The following PPARA variants were observed in gnomAD, a reference collection of about 807,000 sequenced individuals.
PPARA encodes peroxisome proliferator activated receptor alpha.
A neutral mutation model predicts 42.2 loss-of-function variants in PPARA; 22 were observed. The observed-to-expected ratio is 0.52, with a 90% CI of 0.37 to 0.74. The LOEUF is 0.74. Among genes scored for constraint, PPARA ranks in the 30% least tolerant of loss-of-function variants. PPARA has a pLI of 0.00. For synonymous variants in PPARA, 242 were observed against 239.3 expected (o/e 1.01, Z -0.10); for missense variants, 465 against 608.2 (o/e 0.76, Z 2.48).
In PPARA at chr22:46,219,115, TC is replaced by T. The variant is rs1224580490; in HGVS notation, c.509-696del. On this transcript the variant is annotated intron_variant, in intron 6 of 8. Transcript: ENST00000407236. The surrounding 1 kb of genome is among the most constrained non-coding windows in gnomAD (Gnocchi z 4.8). ...AGGCGGAGGTTGCAGTGAGCTGAGA[TC>T]GCACCACTGCACTCCAGCCTGGGCG... Among the ~76,000 whole-genome samples, 1 of 151,078 alleles carries T rather than the reference TC, an allele frequency of 6.6e-6. No individual in the cohort carries two copies. Among genetic ancestry groups the T allele is most frequent in the Non-Finnish European group, 1.5e-5 (1 of 67,890 alleles).
chr22:46,165,814 A>G lies in PPARA; in HGVS notation c.-126-10939A>G, dbSNP rs76755807. ...TCATCCTAGGCCTCTAATTATTTTT[A>G]AGGACAATTTTTCAAATGCAGGCTT... On this transcript the variant is annotated intron_variant, in intron 2 of 8. Coordinates refer to ENST00000407236, the MANE Select transcript of PPARA (RefSeq NM_005036.6). This position sits in a 1 kb window ranked among gnomAD's most constrained non-coding sequence, Gnocchi z 5.5. 0.1 allele frequency among the ~76,000 whole-genome samples: 15,788 copies of G among 152,168 alleles called. 1,033 individuals carry two copies. Among genetic ancestry groups the G allele is most frequent in the South Asian group, 0.15 (727 of 4,820 alleles).
rs1442168951 is a variant in PPARA at position 46,160,150 on chromosome 22, C to A, written c.-127+8180C>A. On this transcript the variant is annotated intron_variant, in intron 2 of 8. Coordinates refer to ENST00000407236, the MANE Select transcript of PPARA (RefSeq NM_005036.6). This position sits in a 1 kb window ranked among gnomAD's most constrained non-coding sequence, Gnocchi z 4.5. ...TCCCATTCCCAGCTAAGGGTGGCAG[C>A]TGGCGGGGATCTTTCCAGCAGAAAG... 6.6e-6 allele frequency among the ~76,000 whole-genome samples: 1 copy of A among 152,216 alleles called. No homozygotes were observed.
intron 2 of PPARA, chr22:46,164,185 G>T (rs1926676176): frequency 6.6e-6 from 1 of 151,914 alleles, no homozygotes; most frequent in Non-Finnish European, 1.5e-5. Flanking sequence ...TCCAGCCTGG[G>T]TGACAAGAGT....
intron 1 of PPARA, chr22:46,151,291 C>T (rs1485258924): frequency 1.3e-5 from 2 of 152,246 alleles, no homozygotes; most frequent in Non-Finnish European, 2.9e-5. Context: ...GGGGCGACCC[C>T]GGACAGGCTG....
rs764662561 is a variant in PPARA, at chr22:46,207,677, A to ATT, written c.209-7474_209-7473dup. 1.4e-3 allele frequency among the ~76,000 whole-genome samples: 73 copies of ATT among 50,724 alleles called. 3 individuals carry two copies. The highest frequency in any genetic ancestry group is 3.4e-3 in the South Asian group (3 of 882). 33.3% of individuals were successfully genotyped at this position (50,724 alleles called of 152,430 possible). On this transcript the variant is annotated intron_variant, in intron 4 of 8. Coordinates refer to ENST00000407236, the MANE Select transcript of PPARA (RefSeq NM_005036.6). ...TATTATTATTATTATTATTATTATT[A>ATT]TTTTTTTTTTTTTTTTTTTTTTTAG...
At position 46,224,464 on chromosome 22, in the gene PPARA, A is replaced by G. The variant is rs1935244407; in HGVS notation, c.711+4450A>G. Among the ~76,000 whole-genome samples the G allele has an allele frequency of 6.6e-6, 1 of 152,072 alleles. No individual in the cohort carries two copies. Among genetic ancestry groups the G allele is most frequent in the Admixed American group, 6.5e-5 (1 of 15,278 alleles). ...CCCATCTGTGGGCAAGAAATCTGTT[A>G]GGGAGACCAAGCAGCGGCCTGGAAA... On this transcript the variant is annotated intron_variant, in intron 7 of 8. Transcript: ENST00000407236. The surrounding 1 kb of genome is among the most constrained non-coding windows in gnomAD (Gnocchi z 5.7).
chr22:46,216,064 G>C lies in PPARA; in HGVS notation c.369+731G>C, dbSNP rs1178211389. 6.6e-6 allele frequency among the ~76,000 whole-genome samples: 1 copy of C among 152,160 alleles called. No homozygotes were observed. Among genetic ancestry groups the C allele is most frequent in the Admixed American group, 6.6e-5 (1 of 15,266 alleles). On this transcript the variant is annotated intron_variant, in intron 5 of 8. Transcript: ENST00000407236. This position sits in a 1 kb window ranked among gnomAD's most constrained non-coding sequence, Gnocchi z 4.5. ...TTCCTCTGTGCTTTGTAAATACTTA[G>C]AGAAGTGCATTCTTTAAAAGAAAAT... is the stretch of plus-strand genomic sequence containing the variant.
chr22:46,187,270 A>G lies in PPARA; in HGVS notation c.-43+10434A>G. Among the ~76,000 whole-genome samples, 1 of 152,234 alleles carries G rather than the reference A, an allele frequency of 6.6e-6. No homozygotes were observed. Among genetic ancestry groups the G allele is most frequent in the South Asian group, 2.1e-4 (1 of 4,826 alleles). ...CCATTTTAAAACTGAACTCATGGCC[A>G]GGTGCATTGGCTCATGCCTGTAATC... On this transcript the variant is annotated intron_variant, in intron 3 of 8. Transcript: ENST00000407236. This position sits in a 1 kb window ranked among gnomAD's most constrained non-coding sequence, Gnocchi z 4.9.
At chr22:46,189,956 C>G (rs1008152717) in intron 3 of PPARA, among the ~76,000 whole-genome samples, 3 of 152,138 alleles carry the variant, frequency 2.0e-5, no homozygotes, top group African/African-American at 7.2e-5. Context: ...CCGCCCACCT[C>G]GGCCTCCCAA....
chr22:46,152,936 A>T (rs1924669704), intron 2 of PPARA, among the ~76,000 whole-genome samples: 1 of 152,064 alleles, frequency 6.6e-6, no homozygotes, highest in Non-Finnish European at 1.5e-5. Flanking sequence ...AAATAGAAAT[A>T]TTGCCTGGGC....
rs1930290414 is a variant in PPARA, at chr22:46,183,762, A to G, written c.-43+6926A>G. Among the ~76,000 whole-genome samples the G allele has an allele frequency of 6.6e-6, 1 of 152,180 alleles. No individual in the cohort carries two copies. The highest frequency in any genetic ancestry group is 2.4e-5 in the African/African-American group (1 of 41,446). ...TGTCCAAAACAAAACAAAACAAAACAAAAAAAGCTAAATTATCAAATGTCT... is the reference window on the plus strand; with the variant it reads ...TGTCCAAAACAAAACAAAACAAAACGAAAAAAGCTAAATTATCAAATGTCT... On this transcript the variant is annotated intron_variant, in intron 3 of 8. Transcript: ENST00000407236. The surrounding 1 kb of genome is among the most constrained non-coding windows in gnomAD (Gnocchi z 5.5).
rs138778714 is a variant in PPARA, at chr22:46,219,835, A to G, written c.532A>G (p.Arg178Gly). 4.7e-4 allele frequency: 757 copies of G among 1,614,222 alleles called. No individual in the cohort carries two copies. The highest frequency in any genetic ancestry group is 6.1e-4 in the Non-Finnish European group (715 of 1,180,034). ...HNAIRFGRMPRSEKAKLKAEI... is the reference protein window; with the variant it reads ...HNAIRFGRMPGSEKAKLKAEI... ...AGCGATTCGTTTTGGACGAATGCCAAGATCTGAGAAAGCAAAACTGAAAGC... is the reference window on the plus strand; with the variant it reads ...AGCGATTCGTTTTGGACGAATGCCAGGATCTGAGAAAGCAAAACTGAAAGC... The change falls in exon 7 of 9, where the codon AGA becomes GGA. Residue 178 changes from arginine (R) to glycine (G), a missense_variant. Physicochemically the swap from Arg to Gly is moderately radical, Grantham distance 125. Coordinates refer to ENST00000407236, the MANE Select transcript of PPARA (RefSeq NM_005036.6). This position sits in a 1 kb window ranked among gnomAD's most constrained non-coding sequence, Gnocchi z 4.8.
chr22:46,152,833 C>T (rs1569177574), intron 2 of PPARA, among the ~76,000 whole-genome samples: 1 of 152,144 alleles, frequency 6.6e-6, no homozygotes, highest in Non-Finnish European at 1.5e-5. Context: ...CTCCTGTAAT[C>T]CCAGCACTTT....
In PPARA at chr22:46,232,029, A is replaced by G; in HGVS notation, c.949A>G (p.Ile317Val). The G allele has an allele frequency of 1.2e-6, 2 of 1,614,236 alleles. No homozygotes were observed. Among genetic ancestry groups the G allele is most frequent in the Non-Finnish European group, 1.7e-6 (2 of 1,180,036 alleles). ...GCTAAAATACGGAGTTTATGAGGCC[A>G]TATTCGCCATGCTGTCTTCTGTGAT... ...TLLKYGVYEA[I>V]FAMLSSVMNK... The change falls in exon 8 of 9, where the codon ATA becomes GTA. Residue 317 changes from isoleucine to valine, a missense_variant. Ile to Val is a conservative substitution (Grantham distance 29). Around this residue, in one of 2 missense-constraint regions of PPARA, gnomAD observed 313 missense variants for 469.1 expected, o/e 0.67. Coordinates refer to ENST00000407236, the MANE Select transcript of PPARA (RefSeq NM_005036.6). This position sits in a 1 kb window ranked among gnomAD's most constrained non-coding sequence, Gnocchi z 5.3.
In PPARA at chr22:46,225,628, A is replaced by C. The variant is rs542343626; in HGVS notation, c.711+5614A>C. Among the ~76,000 whole-genome samples the C allele has an allele frequency of 1.4e-5, 2 of 141,208 alleles. No individual in the cohort carries two copies. The highest frequency in any genetic ancestry group is 2.7e-5 in the African/African-American group (1 of 37,348). 92.6% of individuals were successfully genotyped at this position (141,208 alleles called of 152,430 possible). ...ACATCCATGCATGCATGTGTACACA[A>C]ACACACCCACACATACACATGCACC... On this transcript the variant is annotated intron_variant, in intron 7 of 8. Transcript: ENST00000407236. This position sits in a 1 kb window ranked among gnomAD's most constrained non-coding sequence, Gnocchi z 4.1.
chr22:46,201,302 G>T (rs1298007853), intron 4 of PPARA, among the ~76,000 whole-genome samples: 2 of 152,136 alleles, frequency 1.3e-5, no homozygotes, highest in African/African-American at 4.8e-5. Context: ...GGAATTGCAA[G>T]AGGCAAGTGA....
intron 2 of PPARA, among the ~76,000 whole-genome samples, chr22:46,157,280 C>T (rs765927414): frequency 1.6e-4 from 25 of 152,194 alleles, no homozygotes; most frequent in Non-Finnish European, 3.2e-4. Context: ...CCTGTGTGGT[C>T]ACCACAGTAC....
chr22:46,228,747 C>T (rs1398370851), intron 7 of PPARA, among the ~76,000 whole-genome samples: 2 of 152,094 alleles, frequency 1.3e-5, no homozygotes, highest in Non-Finnish European at 2.9e-5. Flanking sequence ...AAAGACTCAG[C>T]TAGGGAGGCC....
Position 46,187,308 on chromosome 22 carries a change from G to C in PPARA, c.-43+10472G>C, listed in dbSNP as rs1930955348. ...CATGCCTGTAATCCCTTCTCTCCAT[G>C]CTCAAAACCTGCCCTCCTTGTCTTT... On this transcript the variant is annotated intron_variant, in intron 3 of 8. Transcript: ENST00000407236. The surrounding 1 kb of genome is among the most constrained non-coding windows in gnomAD (Gnocchi z 4.9). 6.6e-6 allele frequency among the ~76,000 whole-genome samples: 1 copy of C among 152,188 alleles called. No homozygotes were observed. The highest frequency in any genetic ancestry group is 1.5e-5 in the Non-Finnish European group (1 of 68,032).
Sources: allele counts gnomAD v4.1 joint callset (sites outside exome capture counted in the v4.1 genomes callset), GRCh38; gene constraint gnomAD v4.1.1; regional missense constraint gnomAD v4.1.1; non-coding constraint Gnocchi (gnomAD v3.1); transcripts MANE v1.5; gene names NCBI Gene and HGNC (gene_info 2026-07-23, HGNC 2026-07-21).